Variants in MGAT1 observed in about 807,000 individuals in gnomAD.
MGAT1 encodes the protein N-glycosyl-oligosaccharide-glycoprotein N-acetylglucosaminyltransferase I.
MGAT1 carries 14 observed loss-of-function variants against 31.7 expected under a neutral mutation model. The observed-to-expected ratio is 0.44, with a 90% CI of 0.29 to 0.69. The LOEUF (loss-of-function observed/expected upper bound fraction) is 0.69, where lower values mean the gene tolerates loss of function less well. Ranked by LOEUF, MGAT1 falls within the 30% of genes least tolerant of loss-of-function variation. The pLI is 0.12. For missense variants in MGAT1, 557 were observed against 626.0 expected (o/e 0.89, Z 1.18); for synonymous variants, 338 against 276.0 (o/e 1.22, Z -2.23).
Position 180,792,215 on chromosome 5 carries a change from T to C in MGAT1, c.757A>G (p.Ser253Gly). ...DNGKEQMVDASRPELLYRTDF... is the reference protein window; with the variant it reads ...DNGKEQMVDAGRPELLYRTDF... Reference sequence around the variant, plus strand: ...GTGCGGTAGAGCAGCTCAGGCCTGCTGGCGTCCACCATCTGCTCCTTGCCG... The same window carrying C: ...GTGCGGTAGAGCAGCTCAGGCCTGCCGGCGTCCACCATCTGCTCCTTGCCG... The change falls in exon 2 of 2, where the codon AGC becomes GGC. Residue 253 changes from serine to glycine, a missense_variant. Around this residue, in one of 3 missense-constraint regions of MGAT1, gnomAD observed 245 missense variants for 332.9 expected, o/e 0.74. Coordinates refer to ENST00000307826, the MANE Select transcript of MGAT1 (RefSeq NM_002406.4). The C allele has an allele frequency of 6.2e-7, 1 of 1,613,118 alleles. No homozygotes were observed. Among genetic ancestry groups the C allele is most frequent in the Non-Finnish European group, 8.5e-7 (1 of 1,180,012 alleles).
At chr5:180,798,031 C>T (rs1769879876) in intron 1 of MGAT1, among the ~76,000 whole-genome samples, 1 of 152,212 alleles carries the variant, frequency 6.6e-6, no homozygotes, top group African/African-American at 2.4e-5. Flanking sequence ...CAGCGGTGAC[C>T]TGCTTCTCCA....
rs541054825 is a variant in MGAT1, at chr5:180,808,087, T to C, written c.-127+561A>G. 2.3e-4 allele frequency among the ~76,000 whole-genome samples: 35 copies of C among 152,342 alleles called. 1 individual carries two copies. In the Middle Eastern group the frequency reaches 0.01, roughly 44 times the overall value. On this transcript the variant is annotated intron_variant, in intron 2 of 2. Coordinates refer to the MGAT1 transcript ENST00000333055. The stretch of plus-strand genomic sequence containing the variant: ...GTACACTGACTCAAAAAGTCAAAGC[T>C]AGAACACAAGTACTCCTTCCTGACC...
chr5:180,808,917 G>C (rs989156427), exon 2 of MGAT1: 1 of 152,176 alleles, frequency 6.6e-6, no homozygotes, highest in African/African-American at 2.4e-5. Context: ...ATTAAGCTCA[G>C]AGTCTGGTGA....
rs922054859 is a variant in MGAT1 at position 180,789,524 on chromosome 5, C to T, written c.*2110G>A. 3.3e-5 allele frequency: 5 copies of T among 152,252 alleles called. No individual in the cohort carries two copies. Among genetic ancestry groups the T allele is most frequent in the African/African-American group, 7.2e-5 (3 of 41,438 alleles). The allele number at this position is 152,252 out of a possible 1,614,324, so 9.4% of individuals were successfully genotyped here. A position where few individuals can be genotyped will look rare whatever the true frequency, so the allele number is the denominator to read the frequency against. On this transcript the variant is annotated 3_prime_UTR_variant, in exon 2 of 2. Transcript: ENST00000307826. ...TCTCAAACTCCTGAAGTGATCCACCCGCCTCAGCCTCCCAAAGTACTGGGA... is the reference window on the plus strand; with the variant it reads ...TCTCAAACTCCTGAAGTGATCCACCTGCCTCAGCCTCCCAAAGTACTGGGA...
rs868076477 is a variant in MGAT1, at chr5:180,790,911, C to T, written c.*723G>A. 1 of 152,438 alleles carries T rather than the reference C, an allele frequency of 6.6e-6. No individual in the cohort carries two copies. The allele number at this position is 152,438 out of a possible 1,614,324, so 9.4% of individuals were successfully genotyped here. On this transcript the variant is annotated 3_prime_UTR_variant, in exon 2 of 2. Coordinates refer to ENST00000307826, the MANE Select transcript of MGAT1 (RefSeq NM_002406.4). ...AGAAAGGAGGGGTCAGGGCATAGTC[C>T]CTCTCTGAGGTAAGGCAAGAGAGAG... is the stretch of plus-strand genomic sequence containing the variant.
upstream of MGAT1, among the ~76,000 whole-genome samples, chr5:180,804,916 C>T (rs1762308810): frequency 2.6e-5 from 4 of 152,156 alleles, no homozygotes; most frequent in South Asian, 8.3e-4. Context: ...TCCCAAGGCT[C>T]ACAGGAAGAT....
At chr5:180,807,830 AGGC>A (rs1407496143) in intron 2 of MGAT1, among the ~76,000 whole-genome samples, 1 of 152,264 alleles carries the variant, frequency 6.6e-6, no homozygotes, top group African/African-American at 2.4e-5. Context: ...ACATCTTCTT[AGGC>A]TGTTGCCAGC....
At position 180,787,760 on chromosome 5, in the gene MGAT1, C is replaced by T. The variant is rs1252704461; in HGVS notation, c.*3874G>A. On this transcript the variant is annotated 3_prime_UTR_variant, in exon 2 of 2. Coordinates refer to ENST00000307826, the MANE Select transcript of MGAT1 (RefSeq NM_002406.4). ...CTTCGTCTCCGTTTCCCTGGCCCCT[C>T]AGCCTTGGCAGGCTTCTCATGCAGG... 6.6e-6 allele frequency: 1 copy of T among 152,342 alleles called. No homozygotes were observed. The highest frequency in any genetic ancestry group is 1.5e-5 in the Non-Finnish European group (1 of 68,110). The allele number at this position is 152,342 out of a possible 1,614,324, so 9.4% of individuals were successfully genotyped here.
rs1767816894 is a variant in MGAT1 at position 180,789,591 on chromosome 5, T to A, written c.*2043A>T. 6.6e-6 allele frequency: 1 copy of A among 151,614 alleles called. No individual in the cohort carries two copies. Among genetic ancestry groups the A allele is most frequent in the African/African-American group, 2.4e-5 (1 of 41,186 alleles). The allele number at this position is 151,614 out of a possible 1,614,324, so 9.4% of individuals were successfully genotyped here. The stretch of plus-strand genomic sequence containing the variant: ...CCGCGCCTGGACTAGCCCAGGGTTT[T>A]CAAACCCACTCATGAAATCAAGTTC... On this transcript the variant is annotated 3_prime_UTR_variant, in exon 2 of 2. Coordinates refer to ENST00000307826, the MANE Select transcript of MGAT1 (RefSeq NM_002406.4).
In MGAT1 at chr5:180,791,386, C is replaced by G; in HGVS notation, c.*248G>C. The G allele has an allele frequency of 1.7e-6, 1 of 574,594 alleles. No individual in the cohort carries two copies. Among genetic ancestry groups the G allele is most frequent in the South Asian group, 2.3e-5 (1 of 43,062 alleles). The allele number at this position is 574,594 out of a possible 1,614,324, so 35.6% of individuals were successfully genotyped here. ...CTGGCCCCAACAAGCCCAGTGCCCCCCACCACACAGTGGTTTCCTGCTTAA... is the reference window on the plus strand; with the variant it reads ...CTGGCCCCAACAAGCCCAGTGCCCCGCACCACACAGTGGTTTCCTGCTTAA... On this transcript the variant is annotated 3_prime_UTR_variant, in exon 2 of 2. Coordinates refer to ENST00000307826, the MANE Select transcript of MGAT1 (RefSeq NM_002406.4).
At chr5:180,796,266 C>T (rs542391147) in intron 1 of MGAT1, among the ~76,000 whole-genome samples, 2 of 152,294 alleles carry the variant, frequency 1.3e-5, no homozygotes, top group African/African-American at 4.8e-5. Context: ...ACTTCACCAG[C>T]CCCTGCCAGC....
rs985736712 is a variant in MGAT1, at chr5:180,792,791, C to A, written c.181G>T (p.Ala61Ser). The change falls in exon 2 of 2, where the codon GCC becomes TCC. Residue 61 changes from alanine (A) to serine (S), a missense_variant. Transcript: ENST00000307826. ...CGCTGCCGCTCCAGCTCCACCTCGG[C>A]GTCTTGGGCCAGGCGAATCACTTCC... Reference protein sequence around the residue: ...TREVIRLAQDAEVELERQRGL... With the variant: ...TREVIRLAQDSEVELERQRGL... The A allele has an allele frequency of 6.4e-7, 1 of 1,552,420 alleles. No individual in the cohort carries two copies.
At position 180,792,247 on chromosome 5, in the gene MGAT1, T is replaced by C. The variant is rs987294514; in HGVS notation, c.725A>G (p.Asn242Ser). ...CACCATCTGCTCCTTGCCGTTGTCATTCCAGGCCGAGACGCACCACAGGGA... is the reference window on the plus strand; with the variant it reads ...CACCATCTGCTCCTTGCCGTTGTCACTCCAGGCCGAGACGCACCACAGGGA... ...DPSLWCVSAW[N>S]DNGKEQMVDA... Residue 242 changes from asparagine to serine, a missense_variant, in exon 2 of 2, where the codon AAT (asparagine) becomes AGT (serine). By Grantham distance (46) the Asn-to-Ser change is conservative. This residue lies in a region of MGAT1 where 245 missense variants were observed against 332.9 expected (regional missense o/e 0.74). Transcript: ENST00000307826. The C allele has an allele frequency of 6.2e-7, 1 of 1,613,102 alleles. No individual in the cohort carries two copies. The highest frequency in any genetic ancestry group is 8.5e-7 in the Non-Finnish European group (1 of 1,179,988).
chr5:180,794,449 T>C (rs1244782366), intron 1 of MGAT1, among the ~76,000 whole-genome samples: 1 of 147,862 alleles, frequency 6.8e-6, no homozygotes, highest in Non-Finnish European at 1.5e-5. Context: ...AAAACCTCCA[T>C]AATTACAACT....
At chr5:180,797,168 G>A (rs537613478) in intron 1 of MGAT1, among the ~76,000 whole-genome samples, 10 of 152,284 alleles carry the variant, frequency 6.6e-5, no homozygotes, top group Admixed American at 5.2e-4. Flanking sequence ...AGCGCTTTGG[G>A]ATGCCAAGGC....
intron 1 of MGAT1, among the ~76,000 whole-genome samples, chr5:180,794,387 C>CT (rs1175884549): frequency 2.2e-5 from 3 of 138,850 alleles, no homozygotes; most frequent in Admixed American, 7.0e-5. Flanking sequence ...GAGTGAGACT[C>CT]TGTCTCAAAA....
intron 1 of MGAT1, among the ~76,000 whole-genome samples, chr5:180,798,503 C>T (rs1422653122): frequency 1.3e-5 from 2 of 152,214 alleles, no homozygotes; most frequent in African/African-American, 4.8e-5. Flanking sequence ...CTGCAAGCTA[C>T]ATGAAGACAG....
chr5:180,793,254 G>A (rs1441412650), intron 1 of MGAT1, among the ~76,000 whole-genome samples, 157 bp from the exon 2 acceptor site: 1 of 152,200 alleles, frequency 6.6e-6, no homozygotes, highest in Non-Finnish European at 1.5e-5. Flanking sequence ...CATATATCCT[G>A]ACCCAGGAAC....
rs1769912997 is a variant in MGAT1 at position 180,798,192 on chromosome 5, T to C, written c.-127+4488A>G. ...GATGAGATGAGCCATGTTAGGTGTT[T>C]AGAACAGTGCCGGCATGACAACGTA... On this transcript the variant is annotated intron_variant, in intron 1 of 1. Transcript: ENST00000307826. Among the ~76,000 whole-genome samples, 4 of 152,200 alleles carry C rather than the reference T, an allele frequency of 2.6e-5. 1 individual carries two copies. Among genetic ancestry groups the C allele is most frequent in the Admixed American group, 2.0e-4 (3 of 15,278 alleles).
Sources: allele counts gnomAD v4.1 joint callset (sites outside exome capture counted in the v4.1 genomes callset), GRCh38; gene constraint gnomAD v4.1.1; regional missense constraint gnomAD v4.1.1; transcripts MANE v1.5; gene names NCBI Gene and HGNC (gene_info 2026-07-23, HGNC 2026-07-21).